Variants in LAMC1 observed in about 807,000 individuals in gnomAD.
LAMC1 encodes laminin subunit gamma-1.
LAMC1 carries 38 observed loss-of-function variants against 173.6 expected under a neutral mutation model. That is an observed-to-expected ratio of 0.22 (90% CI 0.17 to 0.29). The LOEUF (loss-of-function observed/expected upper bound fraction) is 0.29, where lower values mean the gene tolerates loss of function less well. LAMC1 is among the 10% of genes least tolerant of loss of function. The pLI, the probability that LAMC1 is intolerant of heterozygous loss-of-function variation, is 1.00. For synonymous variants in LAMC1, 746 were observed against 749.1 expected (o/e 1.00, Z 0.07); for missense variants, 1,824 against 2,051.8 (o/e 0.89, Z 2.14).
At chr1:183,120,181 A>AAAG (rs1656432677) in intron 11 of LAMC1, among the ~76,000 whole-genome samples, 1 of 151,378 alleles carries the variant, frequency 6.6e-6, no homozygotes, top group Non-Finnish European at 1.5e-5. Flanking sequence ...AAAAAAAAAA[A>AAAG]AAAAAAAAAG....
chr1:183,040,296 A>AT (rs1306070703), intron 1 of LAMC1, among the ~76,000 whole-genome samples: 1 of 152,226 alleles, frequency 6.6e-6, no homozygotes. Flanking sequence ...ATGGTGAATA[A>AT]TGGACACATG....
At chr1:183,070,504 T>C (rs1032537375) in intron 1 of LAMC1, among the ~76,000 whole-genome samples, 1 of 152,206 alleles carries the variant, frequency 6.6e-6, no homozygotes, top group Non-Finnish European at 1.5e-5. Context: ...GTGTTCTTCC[T>C]TTGTCATCTG....
At chr1:183,125,169 AAT>A (rs148060140) in intron 14 of LAMC1, 51 of 595,916 alleles carry the variant, frequency 8.6e-5, no homozygotes, top group Non-Finnish European at 1.1e-4. Context: ...TTGTTAATGA[AAT>A]ATATGTTTTT....
rs530553926 is a variant in LAMC1, at chr1:183,075,092, A to G, written c.419-28236A>G. ...ATACATTTGAGCAAGAATGAAAAAG[A>G]AAAGGGTTACCTCAGAGTTCTGTCT... On this transcript the variant is annotated intron_variant, in intron 1 of 27. Coordinates refer to ENST00000258341, the MANE Select transcript of LAMC1 (RefSeq NM_002293.4). Among the ~76,000 whole-genome samples the G allele has an allele frequency of 4.1e-4, 63 of 152,162 alleles. 3 individuals carry two copies. In the South Asian group the frequency reaches 0.011, roughly 27 times the overall value.
At chr1:183,036,590 A>G (rs1425117535) in intron 1 of LAMC1, among the ~76,000 whole-genome samples, 1 of 151,116 alleles carries the variant, frequency 6.6e-6, no homozygotes, top group Admixed American at 6.6e-5. Context: ...TTTAGTAGAG[A>G]TGGGAGTTCA....
intron 1 of LAMC1, chr1:183,096,501 G>A (rs370178556): frequency 3.6e-4 from 55 of 152,218 alleles, no homozygotes; most frequent in African/African-American, 1.1e-3. Context: ...CTTAGTTAGC[G>A]TGTCTTTCCG....
chr1:183,117,828 G>A, intron 10 of LAMC1, 105 bp downstream of exon 10: 1 of 1,031,600 alleles, frequency 9.7e-7, no homozygotes. Context: ...AAAAACTTCT[G>A]GGTTATTGTG....
intron 1 of LAMC1, among the ~76,000 whole-genome samples, chr1:183,061,708 T>C (rs1027775496): frequency 6.6e-6 from 1 of 152,258 alleles, no homozygotes; most frequent in Admixed American, 6.5e-5. Flanking sequence ...GAAATTTAAA[T>C]GATTCTAGTT....
intron 1 of LAMC1, among the ~76,000 whole-genome samples, chr1:183,057,196 C>T (rs1009051661): frequency 1.3e-5 from 2 of 152,170 alleles, no homozygotes; most frequent in Admixed American, 1.3e-4. Context: ...GTGTTCTTAC[C>T]TTGTTCTCTC....
At chr1:183,124,304 A>G (rs1285399496) in intron 13 of LAMC1, among the ~76,000 whole-genome samples, 2 of 152,240 alleles carry the variant, frequency 1.3e-5, no homozygotes, top group Non-Finnish European at 2.9e-5. Flanking sequence ...TGAATGTGCC[A>G]TCCTTTGAGA....
intron 1 of LAMC1, chr1:183,096,709 G>A (rs1023980609): frequency 2.6e-5 from 4 of 152,190 alleles, no homozygotes; most frequent in African/African-American, 4.8e-5. Flanking sequence ...GCATTTTTAA[G>A]TTGTGCTGAT....
intron 3 of LAMC1, 68 bp from the exon 4 acceptor site, chr1:183,110,420 G>C: frequency 7.9e-7 from 1 of 1,269,692 alleles, no homozygotes; most frequent in Non-Finnish European, 1.1e-6. Context: ...TGTGTACATA[G>C]TTTTTCTGTG....
intron 18 of LAMC1, among the ~76,000 whole-genome samples, chr1:183,129,781 T>A (rs2102101433): frequency 6.6e-6 from 1 of 152,184 alleles, no homozygotes; most frequent in South Asian, 2.1e-4. Flanking sequence ...AAGAATAATT[T>A]GAAGAACTAT....
intron 1 of LAMC1, among the ~76,000 whole-genome samples, chr1:183,039,363 T>A (rs933032476): frequency 2.2e-4 from 33 of 152,312 alleles, no homozygotes; most frequent in African/African-American, 7.5e-4. Context: ...TCGTGATCAG[T>A]GGCCTTCAGT....
intron 1 of LAMC1, among the ~76,000 whole-genome samples, chr1:183,053,309 A>G (rs1654484433): frequency 6.6e-6 from 1 of 152,218 alleles, no homozygotes; most frequent in African/African-American, 2.4e-5. Context: ...TAGCTGAAAC[A>G]GGTTTATCAA....
At position 183,115,211 on chromosome 1, in the gene LAMC1, G is replaced by A. The variant is rs1340154666; in HGVS notation, c.1211-309G>A. On this transcript the variant is annotated intron_variant, in intron 5 of 27. Coordinates refer to ENST00000258341, the MANE Select transcript of LAMC1 (RefSeq NM_002293.4). ...TTCTAGACATGGGCCTTAAGGGGCT[G>A]TGATCACCCACAGAGAAGTAACTGA... Among the ~76,000 whole-genome samples the A allele has an allele frequency of 2.0e-5, 3 of 152,186 alleles. No homozygotes were observed. The East Asian group carries it at 5.8e-4, about 29-fold the overall frequency.
At chr1:183,082,968 T>C (rs1421397826) in intron 1 of LAMC1, among the ~76,000 whole-genome samples, 1 of 152,208 alleles carries the variant, frequency 6.6e-6, no homozygotes, top group Non-Finnish European at 1.5e-5. Flanking sequence ...TCAGAAAACA[T>C]AGCTTGTGTG....
At position 183,137,788 on chromosome 1, in the gene LAMC1, A is replaced by G; in HGVS notation, c.4434A>G (p.Lys1478=). The part of the protein sequence containing the change: ...LQEAEKELKR[K]QDDADQDMMM... ...AAGCAGAAAAAGAGCTAAAGAGAAAACAAGATGACGCTGACCAGGACATGA... is the reference window on the plus strand; with the variant it reads ...AAGCAGAAAAAGAGCTAAAGAGAAAGCAAGATGACGCTGACCAGGACATGA... The change falls in exon 26 of 28, where the codon AAA becomes AAG. Residue 1478 remains lysine (K), a synonymous_variant. Transcript: ENST00000258341. 2 of 1,611,766 alleles carry G rather than the reference A, an allele frequency of 1.2e-6. No individual in the cohort carries two copies. The highest frequency in any genetic ancestry group is 1.3e-5 in the African/African-American group (1 of 74,972).
rs556997788 is a variant in LAMC1, at chr1:183,130,144, G to A, written c.3281-200G>A. On this transcript the variant is annotated intron_variant, in intron 18 of 27. Coordinates refer to ENST00000258341, the MANE Select transcript of LAMC1 (RefSeq NM_002293.4). ...TAGTCAAGTGGACAGATGGACGCAC[G>A]GTTGGAGGTGTGATGAGTGCACAGT... Among the ~76,000 whole-genome samples, 25 of 152,266 alleles carry A rather than the reference G, an allele frequency of 1.6e-4. No homozygotes were observed. In the East Asian group the frequency reaches 4.4e-3, roughly 27 times the overall value.
Sources: allele counts gnomAD v4.1 joint callset (sites outside exome capture counted in the v4.1 genomes callset), GRCh38; gene constraint gnomAD v4.1.1; transcripts MANE v1.5; gene names NCBI Gene and HGNC (gene_info 2026-07-23, HGNC 2026-07-21).